SPATA13: variants seen among roughly 807,000 people sequenced by gnomAD.
SPATA13 encodes the protein spermatogenesis-associated protein 13.
Under a neutral mutation model 104.0 loss-of-function variants are expected in SPATA13, and 50 were observed. The observed-to-expected ratio is 0.48, with a 90% CI of 0.38 to 0.61. SPATA13 has a LOEUF of 0.61. Ranked by LOEUF, SPATA13 falls within the 20% of genes least tolerant of loss-of-function variation. The probability of loss-of-function intolerance (pLI) is 0.00; values close to 1 mark genes in which losing one functional copy is unlikely to be tolerated. For missense variants in SPATA13, 1,524 were observed against 1,690.6 expected, an observed-to-expected ratio of 0.90 and a Z score of 1.73; for synonymous variants, 606 against 667.5, an observed-to-expected ratio of 0.91 and a Z score of 1.42.
chr13:24,090,536 C>T lies in SPATA13; in HGVS notation c.-112+72835C>T, dbSNP rs1250921183. On this transcript the variant is annotated intron_variant, in intron 3 of 14. Transcript: ENST00000424834. ...CGCCCTCTTTTTTCCCATGCTCCCC[C>T]ATCCAATCCACCACGTCCTACAGAC... 3.3e-5 allele frequency among the ~76,000 whole-genome samples: 5 copies of T among 152,324 alleles called. No individual in the cohort carries two copies. The South Asian group carries it at 8.3e-4, about 25-fold the overall frequency.
chr13:24,240,710 C>T (rs1310458882), intron 2 of SPATA13, among the ~76,000 whole-genome samples: 1 of 152,114 alleles, frequency 6.6e-6, no homozygotes. Context: ...AAGTGTTCTC[C>T]ATGAACTTCA....
At chr13:24,114,230 G>A (rs1880750634) in intron 3 of SPATA13, among the ~76,000 whole-genome samples, 1 of 152,226 alleles carries the variant, frequency 6.6e-6, no homozygotes, top group Admixed American at 6.5e-5. Flanking sequence ...GCCTACAAAA[G>A]AACAATTGAT....
chr13:24,102,753 C>T (rs1285475507), intron 3 of SPATA13, among the ~76,000 whole-genome samples: 3 of 152,138 alleles, frequency 2.0e-5, no homozygotes, highest in African/African-American at 4.8e-5. Flanking sequence ...GGATTACAGG[C>T]ATGAGCCACC....
intron 1 of SPATA13, among the ~76,000 whole-genome samples, chr13:24,197,789 G>C (rs914483685): frequency 6.6e-6 from 1 of 152,010 alleles, no homozygotes; most frequent in African/African-American, 2.4e-5. Context: ...GGATTAGTGA[G>C]GGGCCATTAA....
At chr13:24,235,387 A>G (rs935201326) in intron 2 of SPATA13, among the ~76,000 whole-genome samples, 14 of 152,198 alleles carry the variant, frequency 9.2e-5, no homozygotes, top group African/African-American at 3.4e-4. Flanking sequence ...TCCAGAATAG[A>G]GTGATTGAAG....
intron 3 of SPATA13, among the ~76,000 whole-genome samples, chr13:24,118,051 AC>A (rs903919357): frequency 2.0e-5 from 3 of 152,174 alleles, no homozygotes; most frequent in African/African-American, 7.2e-5. Flanking sequence ...ATTTGTTACA[AC>A]CAACTACAGA....
chr13:24,003,757 A>G (rs1008393487), intron 2 of SPATA13, among the ~76,000 whole-genome samples: 4 of 152,252 alleles, frequency 2.6e-5, no homozygotes, highest in African/African-American at 9.6e-5. Context: ...TACGTTATAC[A>G]TCAGCCATTA....
At chr13:24,115,169 A>C (rs1880793713) in intron 3 of SPATA13, among the ~76,000 whole-genome samples, 1 of 152,242 alleles carries the variant, frequency 6.6e-6, no homozygotes, top group African/African-American at 2.4e-5. Context: ...CCTTTGAGCA[A>C]GAAAGTACCC....
intron 3 of SPATA13, among the ~76,000 whole-genome samples, chr13:24,028,361 A>G (rs1025895871): frequency 1.3e-5 from 2 of 152,184 alleles, no homozygotes; most frequent in African/African-American, 2.4e-5. Context: ...GCAGGTGTCT[A>G]TATTTTGCCA....
intron 1 of SPATA13, among the ~76,000 whole-genome samples, chr13:24,175,222 T>G (rs929919238): frequency 2.9e-4 from 40 of 138,410 alleles, no homozygotes; most frequent in Non-Finnish European, 5.0e-4. Context: ...TAGTGATGCT[T>G]GTTTTTTTGT....
chr13:23,982,337 T>C (rs1186276889), intron 1 of SPATA13, among the ~76,000 whole-genome samples: 1 of 152,190 alleles, frequency 6.6e-6, no homozygotes, highest in Non-Finnish European at 1.5e-5. Flanking sequence ...TTATAAGCTA[T>C]TTTACTGTTA....
At chr13:24,241,480 G>C (rs1028848867) in intron 2 of SPATA13, among the ~76,000 whole-genome samples, 1 of 152,218 alleles carries the variant, frequency 6.6e-6, no homozygotes, top group Non-Finnish European at 1.5e-5. Flanking sequence ...TTTTGAACTG[G>C]GTCAGAGGCC....
intron 3 of SPATA13, among the ~76,000 whole-genome samples, chr13:24,129,199 C>T (rs1418387052): frequency 2.0e-5 from 3 of 152,326 alleles, no homozygotes; most frequent in South Asian, 2.1e-4. Context: ...GTGCTAGTGT[C>T]GGGTGGGTTT....
intron 8 of SPATA13, among the ~76,000 whole-genome samples, chr13:24,289,477 T>C (rs1453071326): frequency 6.6e-6 from 1 of 152,248 alleles, no homozygotes. Context: ...ATAAGAACTA[T>C]GGAGTCCTTC....
chr13:24,246,934 A>G (rs756262285), intron 2 of SPATA13, among the ~76,000 whole-genome samples: 23 of 152,144 alleles, frequency 1.5e-4, no homozygotes, highest in Non-Finnish European at 2.8e-4. Flanking sequence ...CCGGGAGAAG[A>G]GAACTTAAGG....
chr13:24,126,379 C>T (rs1394150399), intron 3 of SPATA13, among the ~76,000 whole-genome samples: 2 of 152,180 alleles, frequency 1.3e-5, no homozygotes, highest in South Asian at 2.1e-4. Context: ...CCACACTCTG[C>T]TCTGACCTGT....
chr13:24,178,599 T>C (rs1398367573), intron 1 of SPATA13, among the ~76,000 whole-genome samples: 1 of 152,112 alleles, frequency 6.6e-6, no homozygotes, highest in Non-Finnish European at 1.5e-5. Context: ...TAAGAACAAA[T>C]AGAGGATCAA....
At chr13:24,118,830 A>C (rs1880937139) in intron 3 of SPATA13, among the ~76,000 whole-genome samples, 1 of 152,160 alleles carries the variant, frequency 6.6e-6, no homozygotes. Context: ...TTGGCTAACC[A>C]CACGCTGGTT....
Position 24,122,411 on chromosome 13 carries a change from C to G in SPATA13, c.-111-100408C>G. 7 of 1,587,984 alleles carry G rather than the reference C, an allele frequency of 4.4e-6. No individual in the cohort carries two copies. In the Admixed American group the frequency reaches 1.2e-4, roughly 26 times the overall value. On this transcript the variant is annotated intron_variant, in intron 3 of 14. Transcript: ENST00000424834. Reference sequence around the variant, plus strand: ...GTGGAATAGCCTTCCAGAGCAGTCTCTTCCGCATCATCTTCTTACCAGTCT... The same window carrying G: ...GTGGAATAGCCTTCCAGAGCAGTCTGTTCCGCATCATCTTCTTACCAGTCT...
Sources: allele counts gnomAD v4.1 joint callset (sites outside exome capture counted in the v4.1 genomes callset), GRCh38; gene constraint gnomAD v4.1.1; transcripts MANE v1.5; gene names NCBI Gene and HGNC (gene_info 2026-07-23, HGNC 2026-07-21).